The following IL12RB1 variants were observed in gnomAD, a reference collection of about 807,000 sequenced individuals.
IL12RB1 encodes interleukin 12 receptor subunit beta 1.
IL12RB1 carries 64 observed loss-of-function variants against 94.4 expected under a neutral mutation model. The observed-to-expected ratio is 0.68, with a 90% CI of 0.55 to 0.83. The LOEUF (loss-of-function observed/expected upper bound fraction) is 0.83, where lower values mean the gene tolerates loss of function less well. IL12RB1 is among the 40% of genes least tolerant of loss of function. The pLI is 0.00. For missense variants in IL12RB1, 814 were observed against 855.6 expected (o/e 0.95, Z 0.61); for synonymous variants, 362 against 355.5 (o/e 1.02, Z -0.21).
At chr19:18,082,119 G>A (rs1422206362) in intron 3 of IL12RB1, 31 bp downstream of exon 3, 2 of 1,351,732 alleles carry the variant, frequency 1.5e-6, no homozygotes, top group Non-Finnish European at 1.1e-6. Context: ...GATGGTGGGT[G>A]AGGGTTTGGG....
chr19:18,098,007 G>A (rs766787767), intron 1 of IL12RB1, among the ~76,000 whole-genome samples: 1 of 152,138 alleles, frequency 6.6e-6, no homozygotes, highest in Non-Finnish European at 1.5e-5. Context: ...TTTTCTCATG[G>A]TGGGAAGGGG....
intron 4 of IL12RB1, among the ~76,000 whole-genome samples, chr19:18,079,772 C>G (rs1360247158): frequency 1.3e-5 from 2 of 152,040 alleles, no homozygotes; most frequent in African/African-American, 4.8e-5. Flanking sequence ...TGGCGGGCGC[C>G]TGTAGTCCCA....
intron 12 of IL12RB1, among the ~76,000 whole-genome samples, chr19:18,066,321 G>A (rs1201536860): frequency 1.3e-5 from 2 of 152,054 alleles, no homozygotes; most frequent in African/African-American, 2.4e-5. Flanking sequence ...TTGTCAGGCT[G>A]GTCTTGAACT....
chr19:18,081,638 T>C (rs957968241), intron 3 of IL12RB1, among the ~76,000 whole-genome samples: 1 of 151,572 alleles, frequency 6.6e-6, no homozygotes, highest in African/African-American at 2.4e-5. Flanking sequence ...CTGGCCAACA[T>C]GGTGAGACTC....
At chr19:18,087,317 C>A (rs1361611538), upstream of IL12RB1, among the ~76,000 whole-genome samples, 1 of 151,432 alleles carries the variant, frequency 6.6e-6, no homozygotes, top group Non-Finnish European at 1.5e-5. Context: ...TCAAGCAATT[C>A]TCCTGCCTCA....
At chr19:18,087,713 G>A (rs569363200), upstream of IL12RB1, among the ~76,000 whole-genome samples, 2 of 151,358 alleles carry the variant, frequency 1.3e-5, no homozygotes, top group East Asian at 3.9e-4. Context: ...TAAGAGAGGG[G>A]GTTTTGCCAT....
chr19:18,097,246 C>T (rs901738037), intron 1 of IL12RB1, among the ~76,000 whole-genome samples: 5 of 152,128 alleles, frequency 3.3e-5, no homozygotes, highest in Non-Finnish European at 7.4e-5. Context: ...GGCGCTATCC[C>T]GGCTCACTGT....
intron 5 of IL12RB1, 71 bp downstream of exon 5, chr19:18,077,445 T>G (rs1599530271): frequency 7.4e-5 from 87 of 1,168,578 alleles, no homozygotes; most frequent in Non-Finnish European, 9.8e-5. Context: ...GCAGAGATGG[T>G]GAGACTGATT....
At chr19:18,063,078 A>ATTTTTTTTTTTTTTTTTTTTTT in intron 13 of IL12RB1, among the ~76,000 whole-genome samples, 1 of 51,462 alleles carries the variant, frequency 1.9e-5, no homozygotes, top group Non-Finnish European at 3.1e-5. Context: ...TTCTTCTTCT[A>ATTTTTTTTTTTTTTTTTTTTTT]TTTTTTTTTT....
chr19:18,091,868 CTT>C (rs1264996682), upstream of IL12RB1, among the ~76,000 whole-genome samples: 53 of 120,460 alleles, frequency 4.4e-4, no homozygotes, highest in Admixed American at 8.6e-4. Flanking sequence ...CCTGGCTTTT[CTT>C]TTTTTTTTTT....
At chr19:18,093,544 A>G (rs1324998374) in intron 1 of IL12RB1, among the ~76,000 whole-genome samples, 8 of 152,066 alleles carry the variant, frequency 5.3e-5, no homozygotes, top group African/African-American at 1.9e-4. Context: ...TCTCTCCAGC[A>G]TGTTCCCACA....
chr19:18,087,164 C>A (rs2036402394), upstream of IL12RB1, among the ~76,000 whole-genome samples: 1 of 151,388 alleles, frequency 6.6e-6, no homozygotes, highest in Non-Finnish European at 1.5e-5. Flanking sequence ...CCATGGGCCA[C>A]CTGTGGTTCC....
intron 9 of IL12RB1, among the ~76,000 whole-genome samples, chr19:18,070,211 C>T (rs2034925639): frequency 6.6e-6 from 1 of 152,240 alleles, no homozygotes; most frequent in Non-Finnish European, 1.5e-5. Context: ...TAATCCGCCG[C>T]ATCCAGTCAG....
At chr19:18,080,657 G>A (rs1181922697) in intron 4 of IL12RB1, among the ~76,000 whole-genome samples, 175 bp downstream of exon 4, 2 of 152,176 alleles carry the variant, frequency 1.3e-5, no homozygotes, top group Non-Finnish European at 2.9e-5. Context: ...GGATTGGTAA[G>A]GGGACCATGA....
intron 1 of IL12RB1, among the ~76,000 whole-genome samples, chr19:18,098,354 G>A (rs2037188720): frequency 7.0e-6 from 1 of 142,196 alleles, no homozygotes; most frequent in South Asian, 2.2e-4. Context: ...CTCTCCAGAG[G>A]TCGCCTAGCT....
At chr19:18,077,058 T>C (rs1441223466) in intron 5 of IL12RB1, among the ~76,000 whole-genome samples, 1 of 152,134 alleles carries the variant, frequency 6.6e-6, no homozygotes, top group Non-Finnish European at 1.5e-5. Flanking sequence ...AAGAAAAAAT[T>C]TATTTTAAAA....
Position 18,075,952 on chromosome 19 carries a change from G to A in IL12RB1, c.581-84C>T. ...CACTTAACCATCATGTGCTTATTGA[G>A]CTCCAACTGTGTACAGAGCCACGTG... On this transcript the variant is annotated intron_variant, in intron 6 of 16. Coordinates refer to ENST00000593993, the MANE Select transcript of IL12RB1 (RefSeq NM_005535.3). 2.2e-6 allele frequency: 3 copies of A among 1,355,888 alleles called. No homozygotes were observed. In the South Asian group the frequency reaches 3.5e-5, roughly 16 times the overall value. 84.0% of individuals were successfully genotyped at this position (1,355,888 alleles called of 1,614,324 possible). A position where few individuals can be genotyped will look rare whatever the true frequency, so the allele number is the denominator to read the frequency against.
intron 4 of IL12RB1, among the ~76,000 whole-genome samples, chr19:18,079,754 G>A (rs554600231): frequency 7.2e-4 from 109 of 152,150 alleles, no homozygotes; most frequent in African/African-American, 2.5e-3. Context: ...AAACTTAGCC[G>A]GGCGCGGTGG....
intron 1 of IL12RB1, among the ~76,000 whole-genome samples, chr19:18,086,064 A>T (rs2146492134): frequency 6.6e-6 from 1 of 152,006 alleles, no homozygotes; most frequent in Admixed American, 6.6e-5. Flanking sequence ...AAAAGTATAC[A>T]CCAAAAAAAT....
Sources: gnomAD v4.1 joint callset for allele counts (sites outside exome capture counted in the v4.1 genomes callset) on GRCh38, gnomAD v4.1.1 for gene constraint, MANE v1.5 for transcripts, NCBI Gene and HGNC (gene_info 2026-07-23, HGNC 2026-07-21) for gene names.